FBXL17: variants seen among roughly 807,000 people sequenced by gnomAD.
FBXL17 encodes the protein F-box and leucine rich repeat protein 17.
FBXL17 carries 22 observed loss-of-function variants against 66.2 expected under a neutral mutation model. The ratio of observed to expected loss-of-function variants is 0.33; its 90% CI spans 0.24 to 0.47. The LOEUF (loss-of-function observed/expected upper bound fraction) is 0.47, where lower values mean the gene tolerates loss of function less well. Ranked by LOEUF, FBXL17 falls within the 20% of genes least tolerant of loss-of-function variation. The pLI, the probability that FBXL17 is intolerant of heterozygous loss-of-function variation, is 1.00. For synonymous variants in FBXL17, 474 were observed against 400.5 expected (o/e 1.18, Z -2.19); for missense variants, 878 against 948.2 (o/e 0.93, Z 0.97).
chr5:108,282,314 C>A (rs547638364), intron 4 of FBXL17, among the ~76,000 whole-genome samples: 2 of 151,822 alleles, frequency 1.3e-5, no homozygotes, highest in East Asian at 3.9e-4. Context: ...AAAAAATATA[C>A]CATGATCAAG....
intron 6 of FBXL17, among the ~76,000 whole-genome samples, chr5:108,052,735 C>A (rs1165435300): frequency 6.6e-6 from 1 of 152,078 alleles, no homozygotes; most frequent in Admixed American, 6.5e-5. Context: ...CCCTGTATAG[C>A]CAAGACAATC....
In FBXL17 at chr5:107,965,943, G is replaced by A. The variant is rs898804799; in HGVS notation, c.1822+54982C>T. 3.9e-5 allele frequency among the ~76,000 whole-genome samples: 6 copies of A among 152,034 alleles called. No individual in the cohort carries two copies. In the East Asian group the frequency reaches 1.2e-3, roughly 29 times the overall value. ...TTAGGGAAAAAAAATCAAGAGTCTAGTGACAGTTTTTTTTCTATAAAAGAC... is the reference window on the plus strand; with the variant it reads ...TTAGGGAAAAAAAATCAAGAGTCTAATGACAGTTTTTTTTCTATAAAAGAC... On this transcript the variant is annotated intron_variant, in intron 7 of 8. Transcript: ENST00000542267.
chr5:107,934,094 T>A (rs952634041), intron 7 of FBXL17, among the ~76,000 whole-genome samples: 4 of 152,152 alleles, frequency 2.6e-5, no homozygotes, highest in African/African-American at 4.8e-5. Context: ...TATTTTTTTA[T>A]AGTATCTGAA....
At chr5:108,300,115 T>C (rs1406150392) in intron 4 of FBXL17, among the ~76,000 whole-genome samples, 1 of 152,064 alleles carries the variant, frequency 6.6e-6, no homozygotes, top group African/African-American at 2.4e-5. Flanking sequence ...TCACTGCTTA[T>C]ACAAATGAAT....
chr5:108,319,260 C>G (rs1452714165), intron 4 of FBXL17, among the ~76,000 whole-genome samples: 1 of 151,768 alleles, frequency 6.6e-6, no homozygotes, highest in Non-Finnish European at 1.5e-5. Flanking sequence ...CCAAGTCATT[C>G]CCATTAAAAC....
intron 4 of FBXL17, among the ~76,000 whole-genome samples, chr5:108,228,002 A>G (rs545612341): frequency 1.3e-5 from 2 of 152,188 alleles, no homozygotes; most frequent in East Asian, 3.9e-4. Flanking sequence ...GAGGAGAAGA[A>G]CTCAGATGAG....
chr5:108,325,419 A>T (rs1298682149), intron 4 of FBXL17, among the ~76,000 whole-genome samples: 2 of 152,158 alleles, frequency 1.3e-5, no homozygotes, highest in Non-Finnish European at 2.9e-5. Context: ...TCTGTGAAAT[A>T]TTCAGCTAGG....
intron 5 of FBXL17, among the ~76,000 whole-genome samples, chr5:108,212,932 G>A (rs1754440004): frequency 6.6e-6 from 1 of 152,156 alleles, no homozygotes; most frequent in Non-Finnish European, 1.5e-5. Flanking sequence ...CTTTCTCCAG[G>A]TGCTCTGTCC....
chr5:108,341,284 A>G (rs1159479949), intron 4 of FBXL17, among the ~76,000 whole-genome samples: 1 of 152,194 alleles, frequency 6.6e-6, no homozygotes, highest in African/African-American at 2.4e-5. Context: ...CTAGATATAA[A>G]TTACATGTGA....
chr5:108,250,212 T>G (rs562313276), intron 4 of FBXL17, among the ~76,000 whole-genome samples: 1 of 152,236 alleles, frequency 6.6e-6, no homozygotes, highest in African/African-American at 2.4e-5. Flanking sequence ...AAAACGTAAT[T>G]TTTCATGTGA....
At chr5:108,136,327 T>C (rs1218711683) in intron 6 of FBXL17, among the ~76,000 whole-genome samples, 3 of 152,100 alleles carry the variant, frequency 2.0e-5, no homozygotes, top group African/African-American at 4.8e-5. Flanking sequence ...ATGGCAAACA[T>C]ACTTTAGCTT....
intron 1 of FBXL17, among the ~76,000 whole-genome samples, chr5:108,376,363 A>ATAT (rs1431557596): frequency 6.6e-6 from 1 of 152,210 alleles, no homozygotes; most frequent in Admixed American, 6.5e-5. Flanking sequence ...TCATGGTCTT[A>ATAT]TATAGAGAAA....
chr5:108,357,271 A>G (rs1012667239), intron 3 of FBXL17, among the ~76,000 whole-genome samples: 17 of 152,064 alleles, frequency 1.1e-4, no homozygotes, highest in African/African-American at 4.1e-4. Flanking sequence ...ACAAAAGGGG[A>G]CAATACTCCA....
chr5:107,940,177 A>C (rs929986114), intron 7 of FBXL17, among the ~76,000 whole-genome samples: 15 of 152,154 alleles, frequency 9.9e-5, no homozygotes, highest in Non-Finnish European at 4.4e-5. Flanking sequence ...TTGTCATTTG[A>C]ACCCAGGAAG....
At chr5:108,320,199 C>CTTTG (rs1759553031) in intron 4 of FBXL17, among the ~76,000 whole-genome samples, 8 of 151,192 alleles carry the variant, frequency 5.3e-5, no homozygotes, top group Non-Finnish European at 8.9e-5. Flanking sequence ...TTGTTTTTGT[C>CTTTG]TTTTCATATT....
At chr5:108,001,386 AT>A (rs1196598653) in intron 7 of FBXL17, among the ~76,000 whole-genome samples, 1 of 152,258 alleles carries the variant, frequency 6.6e-6, no homozygotes, top group Non-Finnish European at 1.5e-5. Flanking sequence ...AATGTCTGAA[AT>A]TAATTATCAC....
At chr5:108,196,133 C>T (rs399438) in intron 5 of FBXL17, among the ~76,000 whole-genome samples, 48,092 of 151,548 alleles carry the variant, frequency 0.32, 7,782 homozygotes, top group Middle Eastern at 0.41. Context: ...TGAATAAATT[C>T]TGAATTAATT....
chr5:107,950,514 G>A (rs2112606694), intron 7 of FBXL17, among the ~76,000 whole-genome samples: 1 of 152,242 alleles, frequency 6.6e-6, no homozygotes, highest in South Asian at 2.1e-4. Flanking sequence ...GTAGATAAAT[G>A]AGGTAATGGC....
chr5:108,189,903 T>C (rs951201946), intron 5 of FBXL17, among the ~76,000 whole-genome samples: 1 of 152,142 alleles, frequency 6.6e-6, no homozygotes, highest in Admixed American at 6.5e-5. Flanking sequence ...GGAACTGAAT[T>C]CTTCAAGCCA....
Sources: allele counts gnomAD v4.1 joint callset (sites outside exome capture counted in the v4.1 genomes callset), GRCh38; gene constraint gnomAD v4.1.1; transcripts MANE v1.5; gene names NCBI Gene and HGNC (gene_info 2026-07-23, HGNC 2026-07-21).